The following ANKDD1A variants were observed in gnomAD, a reference collection of about 807,000 sequenced individuals.
ANKDD1A encodes the protein ankyrin repeat and death domain-containing protein 1A.
In ANKDD1A, 59 loss-of-function variants were observed where a neutral mutation model predicts 63.5. That is an observed-to-expected ratio of 0.93 (90% confidence interval 0.75 to 1.15). The LOEUF (loss-of-function observed/expected upper bound fraction) is 1.15, where lower values mean the gene tolerates loss of function less well. Among genes scored for constraint, ANKDD1A ranks in the 50% most tolerant of loss-of-function variants. The pLI is 0.00. For missense variants in ANKDD1A, 632 were observed against 656.4 expected (o/e 0.96, Z 0.41); for synonymous variants, 266 against 263.9 (o/e 1.01, Z -0.08).
chr15:64,922,211 G>A, intron 4 of ANKDD1A, 192 bp downstream of exon 4: 2 of 569,334 alleles, frequency 3.5e-6, no homozygotes, highest in Non-Finnish European at 6.2e-6. Context: ...CAGCCCTCTG[G>A]CTGGCCTCCT....
At chr15:64,927,733 T>C (rs533564912) in intron 6 of ANKDD1A, among the ~76,000 whole-genome samples, 8 of 150,808 alleles carry the variant, frequency 5.3e-5, no homozygotes, top group African/African-American at 1.9e-4. Context: ...GCCTCCCGAA[T>C]AGCTGGGACT....
In ANKDD1A at chr15:64,924,330, C is replaced by T. The variant is rs549857080; in HGVS notation, c.367-1736C>T. The stretch of plus-strand genomic sequence containing the variant: ...TCTAGAGGCCAAGGCTGGAAAGCCA[C>T]GTGGTATCACCTCCATTGCATTCAA... On this transcript the variant is annotated intron_variant, in intron 4 of 14. Coordinates refer to ENST00000319580, the MANE Select transcript of ANKDD1A (RefSeq NM_182703.6). Among the ~76,000 whole-genome samples, 28 of 152,376 alleles carry T rather than the reference C, an allele frequency of 1.8e-4. No individual in the cohort carries two copies. The South Asian group carries it at 4.6e-3, about 25-fold the overall frequency.
intron 3 of ANKDD1A, among the ~76,000 whole-genome samples, 170 bp from the exon 4 acceptor site, chr15:64,921,751 T>A (rs1307733644): frequency 2.7e-5 from 4 of 146,572 alleles, no homozygotes; most frequent in Non-Finnish European, 4.5e-5. Flanking sequence ...AGCCTCTATT[T>A]AAAAAAAAAA....
rs1450093488 is a variant in ANKDD1A, at chr15:64,953,435, C to T, written c.1483+3463C>T. 8.1e-4 allele frequency among the ~76,000 whole-genome samples: 116 copies of T among 143,752 alleles called. 1 individual carries two copies. Among genetic ancestry groups the T allele is most frequent in the Admixed American group, 1.9e-3 (27 of 14,096 alleles). The allele number at this position is 143,752 out of a possible 152,430, so 94.3% of individuals were successfully genotyped here. ...CTCCTCCTCCCTTCTTCTTCCTCCT[C>T]CTTCCTTTTCTTCTTTCTTCTCTCC... is the stretch of plus-strand genomic sequence containing the variant. On this transcript the variant is annotated intron_variant, in intron 14 of 14. Transcript: ENST00000319580.
intron 9 of ANKDD1A, among the ~76,000 whole-genome samples, chr15:64,939,309 A>G (rs1426669308): frequency 6.6e-6 from 1 of 152,148 alleles, no homozygotes; most frequent in East Asian, 1.9e-4. Flanking sequence ...AAAACAAAAA[A>G]GACAGAAAAA....
In ANKDD1A at chr15:64,954,742, TCC is replaced by T. The variant is rs2085396752; in HGVS notation, c.1484-2360_1484-2359del. Among the ~76,000 whole-genome samples, 3 of 20,526 alleles carry T rather than the reference TCC, an allele frequency of 1.5e-4. No individual in the cohort carries two copies. The East Asian group carries it at 0.036, about 244-fold the overall frequency. 13.5% of individuals were successfully genotyped at this position (20,526 alleles called of 152,430 possible). A position where few individuals can be genotyped will look rare whatever the true frequency, so the allele number is the denominator to read the frequency against. On this transcript the variant is annotated intron_variant, in intron 14 of 14. Coordinates refer to ENST00000319580, the MANE Select transcript of ANKDD1A (RefSeq NM_182703.6). ...TTCTCCTCCTCCTTCTTCTTCCTTCTCCTTCTTCTTTCTTTTTGTTCTTCTTT... is the reference window on the plus strand; with the variant it reads ...TTCTCCTCCTCCTTCTTCTTCCTTCTTTCTTCTTTCTTTTTGTTCTTCTTT...
chr15:64,950,321 C>A (rs1042748859), intron 14 of ANKDD1A: 8 of 985,248 alleles, frequency 8.1e-6, no homozygotes, highest in Non-Finnish European at 9.6e-6. Context: ...ACTTTTTTCA[C>A]AAACATTAAG....
At chr15:64,946,642 C>T (rs1437084823) in intron 12 of ANKDD1A, among the ~76,000 whole-genome samples, 3 of 152,180 alleles carry the variant, frequency 2.0e-5, no homozygotes, top group Non-Finnish European at 4.4e-5. Flanking sequence ...AGGGGCCAGA[C>T]ATCAGTGGTT....
intron 14 of ANKDD1A, among the ~76,000 whole-genome samples, chr15:64,954,656 TTC>T (rs1354474020): frequency 1.5e-4 from 21 of 137,730 alleles, no homozygotes; most frequent in African/African-American, 5.4e-4. Context: ...CTTCTTCTCC[TTC>T]TTTCTTCTTG....
intron 14 of ANKDD1A, 133 bp downstream of exon 14, chr15:64,950,105 A>G (rs2085258033): frequency 2.0e-6 from 3 of 1,481,554 alleles, no homozygotes; most frequent in East Asian, 2.4e-5. Flanking sequence ...TCCTACCCCT[A>G]GCCCTGCCCT....
intron 4 of ANKDD1A, among the ~76,000 whole-genome samples, chr15:64,923,032 C>T (rs896870555): frequency 1.3e-5 from 2 of 152,084 alleles, no homozygotes; most frequent in Non-Finnish European, 2.9e-5. Context: ...AGATTGAAAA[C>T]TTGGTTTGTA....
At chr15:64,943,191 G>T in intron 10 of ANKDD1A, 2 of 346,168 alleles carry the variant, frequency 5.8e-6, no homozygotes, top group Non-Finnish European at 1.1e-5. Context: ...TAATAATAGG[G>T]AAGTGGTTAG....
intron 3 of ANKDD1A, 69 bp downstream of exon 3, chr15:64,917,583 C>A: frequency 6.7e-7 from 1 of 1,503,510 alleles, no homozygotes; most frequent in South Asian, 1.3e-5. Flanking sequence ...GGTCTATGAG[C>A]CAGTTGCCGA....
chr15:64,954,196 TG>T (rs2085376882), intron 14 of ANKDD1A, among the ~76,000 whole-genome samples: 2 of 12,518 alleles, frequency 1.6e-4, no homozygotes, highest in Non-Finnish European at 2.8e-4. Context: ...CCTTCTTTCT[TG>T]TTCCTTATTC....
chr15:64,929,730 TG>T (rs1210840157), intron 6 of ANKDD1A, among the ~76,000 whole-genome samples: 1 of 152,174 alleles, frequency 6.6e-6, no homozygotes, highest in Non-Finnish European at 1.5e-5. Flanking sequence ...TACTGAGTGT[TG>T]GCCATGTACC....
intron 14 of ANKDD1A, among the ~76,000 whole-genome samples, chr15:64,953,560 TTCC>T (rs1173651565): frequency 9.2e-5 from 12 of 130,228 alleles, no homozygotes; most frequent in African/African-American, 3.3e-4. Context: ...TCCTTCTTTC[TTCC>T]TCCTTCTTCT....
At chr15:64,948,441 T>A (rs1315325920) in intron 13 of ANKDD1A, among the ~76,000 whole-genome samples, 2 of 152,140 alleles carry the variant, frequency 1.3e-5, no homozygotes, top group Non-Finnish European at 2.9e-5. Context: ...TAAACAGGGA[T>A]ATAAAAGTGA....
chr15:64,930,982 A>T, intron 7 of ANKDD1A, 62 bp downstream of exon 7: 1 of 1,529,924 alleles, frequency 6.5e-7, no homozygotes. Flanking sequence ...CCTTCGAGGA[A>T]CCCCCACCAG....
At position 64,943,465 on chromosome 15, in the gene ANKDD1A, C is replaced by G; in HGVS notation, c.967-19C>G. 6.2e-7 allele frequency: 1 copy of G among 1,612,672 alleles called. No homozygotes were observed. The highest frequency in any genetic ancestry group is 2.2e-5 in the East Asian group (1 of 44,890). ...CCTACATGCTTTTCACTTACCTATT[C>G]CCTTGGCTTCTCCCCTAGAGGCAGC... On this transcript the variant is annotated intron_variant, in intron 10 of 14. Transcript: ENST00000319580.
Sources: allele counts gnomAD v4.1 joint callset (sites outside exome capture counted in the v4.1 genomes callset), GRCh38; gene constraint gnomAD v4.1.1; transcripts MANE v1.5; gene names NCBI Gene and HGNC (gene_info 2026-07-23, HGNC 2026-07-21).